CRTAC1: variants seen among roughly 807,000 people sequenced by gnomAD.
CRTAC1 encodes the protein acidic secreted protein in cartilage.
CRTAC1 carries 37 observed loss-of-function variants against 67.8 expected under a neutral mutation model. The ratio of observed to expected loss-of-function variants is 0.55; its 90% confidence interval spans 0.42 to 0.72. CRTAC1 has a LOEUF of 0.72. CRTAC1 is among the 30% of genes least tolerant of loss of function. CRTAC1 has a pLI of 0.00. For missense variants in CRTAC1, 780 were observed against 931.6 expected, an observed-to-expected ratio of 0.84 and a Z score of 2.12; for synonymous variants, 348 against 371.0, an observed-to-expected ratio of 0.94 and a Z score of 0.71.
Position 97,901,544 on chromosome 10 carries a change from G to A in CRTAC1, c.1092C>T (p.Asn364=). ...DNDQELEIFF[N]NIAYRSSSAN... ...CTGAGGAGCTGCGGTAGGCAATGTT[G>A]TTGAAGAAGATCTCCAGCTCCTGGT... The change falls in exon 8 of 15, where the codon AAC becomes AAT. Residue 364 remains asparagine (N), a synonymous_variant. Coordinates refer to ENST00000370597, the MANE Select transcript of CRTAC1 (RefSeq NM_018058.7). 6.2e-7 allele frequency: 1 copy of A among 1,614,228 alleles called. No individual in the cohort carries two copies. Among genetic ancestry groups the A allele is most frequent in the Admixed American group, 1.7e-5 (1 of 60,036 alleles).
chr10:97,878,135 G>A (rs931761066), intron 14 of CRTAC1, among the ~76,000 whole-genome samples: 1 of 152,242 alleles, frequency 6.6e-6, no homozygotes, highest in Non-Finnish European at 1.5e-5. Context: ...TGGTGGGAAA[G>A]GGCTCCAGCC....
chr10:98,002,586 A>T (rs1842710363), intron 2 of CRTAC1, among the ~76,000 whole-genome samples: 1 of 151,592 alleles, frequency 6.6e-6, no homozygotes, highest in Non-Finnish European at 1.5e-5. Flanking sequence ...CACCTCACCC[A>T]ATTTGGGTGT....
chr10:97,934,643 G>A (rs574033292), intron 3 of CRTAC1, among the ~76,000 whole-genome samples: 6 of 152,250 alleles, frequency 3.9e-5, no homozygotes, highest in South Asian at 2.1e-4. Flanking sequence ...GGTGGGGAGC[G>A]GAGCACAAGG....
chr10:97,955,728 A>G (rs540672905), intron 2 of CRTAC1, among the ~76,000 whole-genome samples: 2 of 152,302 alleles, frequency 1.3e-5, no homozygotes, highest in African/African-American at 4.8e-5. Context: ...TAGCCCCAGG[A>G]TGATGACATG....
chr10:97,941,290 C>A (rs2051171449), intron 2 of CRTAC1, among the ~76,000 whole-genome samples: 1 of 152,164 alleles, frequency 6.6e-6, no homozygotes, highest in Non-Finnish European at 1.5e-5. Context: ...TCTCTGGCTT[C>A]CTCTCCTTTC....
chr10:97,876,082 AT>A (rs555057169), intron 14 of CRTAC1, among the ~76,000 whole-genome samples: 163 of 152,220 alleles, frequency 1.1e-3, no homozygotes, highest in Middle Eastern at 0.01. Flanking sequence ...CAGGGGCTCC[AT>A]TTTTCCCCTC....
At chr10:97,937,225 C>T (rs942968257) in intron 2 of CRTAC1, among the ~76,000 whole-genome samples, 1 of 152,192 alleles carries the variant, frequency 6.6e-6, no homozygotes, top group African/African-American at 2.4e-5. Flanking sequence ...GCCTCAGGGA[C>T]TTTGCACTTG....
In CRTAC1 at chr10:97,992,169, C is replaced by T. The variant is rs899993842; in HGVS notation, c.224+18969G>A. Reference sequence around the variant, plus strand: ...TGCTGCCTCAGCTATAGCCTGGTGCCGCTGCTTCCCAGAATAGGGAAGCAA... The same window carrying T: ...TGCTGCCTCAGCTATAGCCTGGTGCTGCTGCTTCCCAGAATAGGGAAGCAA... On this transcript the variant is annotated intron_variant, in intron 2 of 14. Coordinates refer to ENST00000370597, the MANE Select transcript of CRTAC1 (RefSeq NM_018058.7). 2.6e-5 allele frequency among the ~76,000 whole-genome samples: 4 copies of T among 152,102 alleles called. No homozygotes were observed. In the South Asian group the frequency reaches 8.3e-4, roughly 32 times the overall value.
chr10:98,019,791 C>T (rs1017111698), intron 1 of CRTAC1, among the ~76,000 whole-genome samples: 2 of 152,168 alleles, frequency 1.3e-5, no homozygotes, highest in Admixed American at 6.5e-5. Flanking sequence ...GCAAGCCCCA[C>T]GGGAGCCTGG....
chr10:97,908,118 G>A lies in CRTAC1; in HGVS notation c.745C>T (p.Leu249Phe). 2 of 1,614,170 alleles carry A rather than the reference G, an allele frequency of 1.2e-6. No individual in the cohort carries two copies. Among genetic ancestry groups the A allele is most frequent in the South Asian group, 1.1e-5 (1 of 91,088 alleles). ...GGRGVSVGPI[L>F]SSSASDIFCD... ...AAGATATCCGAGGCACTGCTGCTGAGGATGGGGCCCACGCTGACGCCTCGG... is the reference window on the plus strand; with the variant it reads ...AAGATATCCGAGGCACTGCTGCTGAAGATGGGGCCCACGCTGACGCCTCGG... The change falls in exon 6 of 15, where the codon CTC (leucine) becomes TTC (phenylalanine). Residue 249 changes from leucine to phenylalanine, a missense_variant. Transcript: ENST00000370597.
intron 2 of CRTAC1, among the ~76,000 whole-genome samples, chr10:97,939,688 G>A (rs1051681487): frequency 2.0e-5 from 3 of 152,024 alleles, no homozygotes; most frequent in Non-Finnish European, 2.9e-5. Context: ...TGAGGCTGAC[G>A]TTCCTGTTTG....
intron 1 of CRTAC1, among the ~76,000 whole-genome samples, chr10:98,014,471 T>G (rs1319881839): frequency 6.6e-6 from 1 of 152,084 alleles, no homozygotes; most frequent in African/African-American, 2.4e-5. Flanking sequence ...ACAGACTGCA[T>G]GAAAATTAAA....
intron 2 of CRTAC1, among the ~76,000 whole-genome samples, chr10:97,957,016 G>C (rs893423023): frequency 1.3e-5 from 2 of 149,898 alleles, no homozygotes; most frequent in African/African-American, 4.9e-5. Context: ...TGGTCTCACT[G>C]TATTCCCCAG....
intron 2 of CRTAC1, among the ~76,000 whole-genome samples, chr10:97,936,794 A>G (rs2051096698): frequency 6.6e-6 from 1 of 152,196 alleles, no homozygotes; most frequent in African/African-American, 2.4e-5. Flanking sequence ...TTAGTAACCC[A>G]TTTTATGGAT....
At chr10:97,970,752 AG>A (rs1201279137) in intron 2 of CRTAC1, among the ~76,000 whole-genome samples, 3 of 152,328 alleles carry the variant, frequency 2.0e-5, no homozygotes, top group Admixed American at 6.5e-5. Flanking sequence ...AAACTCCATG[AG>A]GGCAGGGATT....
At chr10:98,027,247 G>A (rs899033345) in intron 1 of CRTAC1, among the ~76,000 whole-genome samples, 1 of 151,990 alleles carries the variant, frequency 6.6e-6, no homozygotes, top group Non-Finnish European at 1.5e-5. Context: ...CTCAGATGTC[G>A]ACAGCCAGGC....
chr10:97,884,628 G>C, intron 11 of CRTAC1: 1 of 381,510 alleles, frequency 2.6e-6, no homozygotes, highest in Non-Finnish European at 4.7e-6. Context: ...ACTTGAAGTG[G>C]GACTCACGTG....
At chr10:98,016,566 C>T (rs532514305) in intron 1 of CRTAC1, among the ~76,000 whole-genome samples, 42 of 152,158 alleles carry the variant, frequency 2.8e-4, no homozygotes, top group African/African-American at 6.7e-4. Flanking sequence ...TCTAGGCTGG[C>T]GGCTCTGAAC....
At chr10:97,868,959 C>A (rs1030635553) in intron 14 of CRTAC1, 1 of 152,234 alleles carries the variant, frequency 6.6e-6, no homozygotes, top group African/African-American at 2.4e-5. Context: ...CCCTCTATGG[C>A]ATGGATTCTT....
Sources: allele counts gnomAD v4.1 joint callset (sites outside exome capture counted in the v4.1 genomes callset), GRCh38; gene constraint gnomAD v4.1.1; transcripts MANE v1.5; gene names NCBI Gene and HGNC (gene_info 2026-07-23, HGNC 2026-07-21).